NXN: variants seen among roughly 807,000 people sequenced by gnomAD.
NXN encodes nucleoredoxin 1.
A neutral mutation model predicts 48.6 loss-of-function variants in NXN; 16 were observed. The ratio of observed to expected loss-of-function variants is 0.33; its 90% CI spans 0.22 to 0.50. The LOEUF is 0.50. Ranked by LOEUF, NXN falls within the 20% of genes least tolerant of loss-of-function variation. NXN has a pLI of 0.98. For missense variants in NXN, 492 were observed against 605.5 expected (o/e 0.81, Z 1.97); for synonymous variants, 281 against 269.6 (o/e 1.04, Z -0.41).
intron 1 of NXN, among the ~76,000 whole-genome samples, chr17:923,840 T>C (rs150409916): frequency 6.6e-6 from 1 of 152,096 alleles, no homozygotes; most frequent in African/African-American, 2.4e-5. Context: ...CAAGCAAGAG[T>C]GAAGATGAAA....
At chr17:964,741 G>A (rs187009565) in intron 1 of NXN, among the ~76,000 whole-genome samples, 3 of 152,230 alleles carry the variant, frequency 2.0e-5, no homozygotes, top group Admixed American at 2.0e-4. Flanking sequence ...TCAAAGTAAG[G>A]TAAAATTCAT....
intron 1 of NXN, among the ~76,000 whole-genome samples, chr17:841,531 ATG>A (rs1567827774): frequency 1.4e-4 from 9 of 63,602 alleles, no homozygotes; most frequent in Admixed American, 2.1e-4. Flanking sequence ...CCCCCCGACC[ATG>A]GAGCATCTCA....
chr17:882,429 C>T (rs568370121), intron 1 of NXN, among the ~76,000 whole-genome samples: 1 of 151,842 alleles, frequency 6.6e-6, no homozygotes, highest in Non-Finnish European at 1.5e-5. Context: ...CCGTCTCTGC[C>T]CCAACTGCCT....
At chr17:806,279 CT>C (rs59107172) in intron 5 of NXN, among the ~76,000 whole-genome samples, 8 of 88,012 alleles carry the variant, frequency 9.1e-5, no homozygotes, top group African/African-American at 2.2e-4. Flanking sequence ...CAGCTCCCCC[CT>C]TCCCCAGGGC....
At chr17:855,330 A>T (rs563261859) in intron 1 of NXN, among the ~76,000 whole-genome samples, 2 of 152,320 alleles carry the variant, frequency 1.3e-5, no homozygotes, top group Admixed American at 1.3e-4. Context: ...GAAGAGAGGC[A>T]GCCTTTGAAT....
At chr17:892,848 AAAC>A (rs756486130) in intron 1 of NXN, among the ~76,000 whole-genome samples, 56 of 152,370 alleles carry the variant, frequency 3.7e-4, no homozygotes, top group Non-Finnish European at 7.3e-4. Flanking sequence ...TGTCCAACAC[AAAC>A]AATAAACCCT....
intron 6 of NXN, 53 bp downstream of exon 6, chr17:805,015 T>A: frequency 9.2e-6 from 14 of 1,514,646 alleles, no homozygotes; most frequent in Admixed American, 2.0e-5. Flanking sequence ...GTGAGGCCCC[T>A]CCTGTCCCGC....
rs188966396 is a variant in NXN at position 841,934 on chromosome 17, G to A, written c.361-15856C>T. Among the ~76,000 whole-genome samples, 8 of 152,192 alleles carry A rather than the reference G, an allele frequency of 5.3e-5. No individual in the cohort carries two copies. The East Asian group carries it at 1.5e-3, about 29-fold the overall frequency. Reference sequence around the variant, plus strand: ...GGCGGATCACCTGAGCTCAGGAGTTGGAGGCCAGCCTGGTCAACATGGTGA... The same window carrying A: ...GGCGGATCACCTGAGCTCAGGAGTTAGAGGCCAGCCTGGTCAACATGGTGA... On this transcript the variant is annotated intron_variant, in intron 1 of 7. Transcript: ENST00000336868.
chr17:841,419 GCGCA>G (rs1914202358), intron 1 of NXN, among the ~76,000 whole-genome samples: 3 of 123,396 alleles, frequency 2.4e-5, no homozygotes, highest in Non-Finnish European at 3.9e-5. Context: ...CCTGACCACG[GCGCA>G]TCTCACACGG....
intron 1 of NXN, among the ~76,000 whole-genome samples, chr17:962,666 A>T (rs2069251294): frequency 6.6e-6 from 1 of 152,226 alleles, no homozygotes; most frequent in Non-Finnish European, 1.5e-5. Context: ...GTAAGTAAAA[A>T]AATCTATATT....
intron 5 of NXN, among the ~76,000 whole-genome samples, chr17:806,188 C>G (rs954933570): frequency 0.016 from 1,140 of 70,792 alleles, 36 homozygotes; most frequent in Middle Eastern, 0.025. Context: ...AGCACAACCC[C>G]CTCCCCAGGG....
intron 1 of NXN, among the ~76,000 whole-genome samples, chr17:884,474 G>T (rs1411473719): frequency 6.6e-6 from 1 of 152,162 alleles, no homozygotes; most frequent in African/African-American, 2.4e-5. Flanking sequence ...GCAGGGCATG[G>T]TCAAAAAGAA....
Position 954,987 on chromosome 17 carries a change from G to A in NXN, c.360+24332C>T, listed in dbSNP as rs1005775997. Among the ~76,000 whole-genome samples the A allele has an allele frequency of 2.6e-5, 4 of 152,128 alleles. No homozygotes were observed. The East Asian group carries it at 7.7e-4, about 29-fold the overall frequency. ...CCACTCGAGGCTTTCCACATAGGAG[G>A]TCTGCCCCGCGTCCCGGGCCTGACC... is the stretch of plus-strand genomic sequence containing the variant. On this transcript the variant is annotated intron_variant, in intron 1 of 7. Coordinates refer to ENST00000336868, the MANE Select transcript of NXN (RefSeq NM_022463.5).
At chr17:871,523 G>A (rs1269426294) in intron 1 of NXN, among the ~76,000 whole-genome samples, 1 of 148,074 alleles carries the variant, frequency 6.8e-6, no homozygotes, top group Non-Finnish European at 1.5e-5. Context: ...TCCTGCCTCA[G>A]CCTCCCGAGT....
chr17:832,210 C>T (rs535919757), intron 1 of NXN, among the ~76,000 whole-genome samples: 8 of 151,986 alleles, frequency 5.3e-5, no homozygotes, highest in Admixed American at 5.2e-4. Context: ...TGGAGTCTCG[C>T]TCTGTCACCC....
At chr17:811,986 G>A (rs1362562513) in intron 5 of NXN, among the ~76,000 whole-genome samples, 4 of 142,178 alleles carry the variant, frequency 2.8e-5, no homozygotes, top group African/African-American at 8.0e-5. Context: ...GGAGTGCAGT[G>A]GCAAGATCTC....
At chr17:801,537 C>T (rs562241297) in intron 7 of NXN, among the ~76,000 whole-genome samples, 1 of 150,186 alleles carries the variant, frequency 6.7e-6, no homozygotes, top group East Asian at 2.0e-4. Flanking sequence ...GCTCCACCTC[C>T]CGGGTTTAAG....
At chr17:817,537 T>TAGC (rs1912546530) in intron 5 of NXN, among the ~76,000 whole-genome samples, 1 of 151,788 alleles carries the variant, frequency 6.6e-6, no homozygotes, top group Admixed American at 6.6e-5. Flanking sequence ...GGGCGTGTGG[T>TAGC]GGGTGCCTGT....
At chr17:935,213 C>G (rs1044159263) in intron 1 of NXN, among the ~76,000 whole-genome samples, 14 of 152,038 alleles carry the variant, frequency 9.2e-5, no homozygotes, top group South Asian at 8.3e-4. Flanking sequence ...AGGATGGTCT[C>G]GAACTCCTGG....
Sources: allele counts gnomAD v4.1 joint callset (sites outside exome capture counted in the v4.1 genomes callset), GRCh38; gene constraint gnomAD v4.1.1; transcripts MANE v1.5; gene names NCBI Gene and HGNC (gene_info 2026-07-23, HGNC 2026-07-21).